The following GSTCD variants were observed in gnomAD, a reference collection of about 807,000 sequenced individuals.
GSTCD encodes the protein glutathione S-transferase C-terminal domain-containing protein.
A neutral mutation model predicts 68.3 loss-of-function variants in GSTCD; 44 were observed. That is an observed-to-expected ratio of 0.64 (90% confidence interval 0.51 to 0.83). The LOEUF (loss-of-function observed/expected upper bound fraction) is 0.83. GSTCD is among the 40% of genes least tolerant of loss of function. The pLI, the probability that GSTCD is intolerant of heterozygous loss-of-function variation, is 0.00. For missense variants in GSTCD, 739 were observed against 735.9 expected, an observed-to-expected ratio of 1.00 and a Z score of -0.05; for synonymous variants, 273 against 255.2, an observed-to-expected ratio of 1.07 and a Z score of -0.67.
chr4:105,711,651 G>A (rs1732540532), intron 1 of GSTCD, among the ~76,000 whole-genome samples: 1 of 152,222 alleles, frequency 6.6e-6, no homozygotes, highest in Non-Finnish European at 1.5e-5. Context: ...GGTAGGTACA[G>A]TTATTATTGT....
intron 5 of GSTCD, among the ~76,000 whole-genome samples, chr4:105,774,683 C>T (rs1212907163): frequency 6.6e-6 from 1 of 152,212 alleles, no homozygotes; most frequent in Non-Finnish European, 1.5e-5. Flanking sequence ...TTGGTCCCCA[C>T]TCTCTTCTGG....
At chr4:105,774,177 C>G (rs1578462711) in intron 5 of GSTCD, among the ~76,000 whole-genome samples, 1 of 152,170 alleles carries the variant, frequency 6.6e-6, no homozygotes, top group Admixed American at 6.5e-5. Context: ...AGGATTGCAA[C>G]CCCTGCTTTT....
In GSTCD at chr4:105,838,980, A is replaced by G. The variant is rs567996741; in HGVS notation, c.1695+1091A>G. Among the ~76,000 whole-genome samples the G allele has an allele frequency of 3.3e-5, 5 of 152,270 alleles. No homozygotes were observed. The South Asian group carries it at 1.0e-3, about 32-fold the overall frequency. On this transcript the variant is annotated intron_variant, in intron 10 of 11. Transcript: ENST00000515279. Reference sequence around the variant, plus strand: ...AAATATAGTGAGGTATAGTGACCTAAAAATGTTCATTGTTACCACATCAGC... The same window carrying G: ...AAATATAGTGAGGTATAGTGACCTAGAAATGTTCATTGTTACCACATCAGC...
At chr4:105,744,747 C>T (rs1398154164) in intron 5 of GSTCD, among the ~76,000 whole-genome samples, 1 of 152,266 alleles carries the variant, frequency 6.6e-6, no homozygotes, top group East Asian at 1.9e-4. Flanking sequence ...CTAGAGTCAG[C>T]TGTTTCTCTA....
intron 8 of GSTCD, 69 bp downstream of exon 8, chr4:105,825,869 TA>T (rs1414199352): frequency 3.2e-6 from 3 of 933,258 alleles, no homozygotes; most frequent in Non-Finnish European, 4.8e-6. Context: ...TTAGAGTAAA[TA>T]AAAAAGATAA....
intron 5 of GSTCD, among the ~76,000 whole-genome samples, chr4:105,760,147 T>A (rs1463407786): frequency 8.1e-6 from 1 of 123,404 alleles, no homozygotes; most frequent in African/African-American, 3.1e-5. Flanking sequence ...TTGGCTAAGA[T>A]TTGAGAAAAA....
chr4:105,789,981 A>G (rs1039303939), intron 5 of GSTCD, among the ~76,000 whole-genome samples: 33 of 152,044 alleles, frequency 2.2e-4, no homozygotes, highest in Admixed American at 2.1e-3. Context: ...TTGAGAGGAT[A>G]AATTACTTTT....
At position 105,778,734 on chromosome 4, in the gene GSTCD, T is replaced by C. The variant is rs184946303; in HGVS notation, c.1241-44220T>C. ...TGAATTATAATATGTTCCATAATAA[T>C]GTAACTAAGATTTTTTCTGTCATAC... On this transcript the variant is annotated intron_variant, in intron 5 of 11. Coordinates refer to ENST00000515279, the MANE Select transcript of GSTCD (RefSeq NM_001370181.1). Among the ~76,000 whole-genome samples the C allele has an allele frequency of 7.8e-4, 119 of 152,298 alleles. 1 individual carries two copies. The highest frequency in any genetic ancestry group is 1.2e-3 in the East Asian group (6 of 5,196).
Position 105,825,661 on chromosome 4 carries a change from G to T in GSTCD, c.1402-11G>T. On this transcript the variant is annotated splice_polypyrimidine_tract_variant and intron_variant, in intron 7 of 11. Transcript: ENST00000515279. The stretch of plus-strand genomic sequence containing the variant: ...TACTAAATATACTATTGTTTTCTGG[G>T]TAAAATCTAGGTTACATTAATAGAA... The T allele has an allele frequency of 7.1e-7, 1 of 1,414,156 alleles. No individual in the cohort carries two copies. The allele number at this position is 1,414,156 out of a possible 1,614,324, so 87.6% of individuals were successfully genotyped here.
intron 5 of GSTCD, among the ~76,000 whole-genome samples, chr4:105,747,864 T>C (rs1733858087): frequency 1.4e-5 from 2 of 141,554 alleles, no homozygotes; most frequent in Non-Finnish European, 3.0e-5. Context: ...TTTTAAAAAA[T>C]TCTTCAGGTT....
intron 8 of GSTCD, among the ~76,000 whole-genome samples, chr4:105,830,712 T>C (rs377432283): frequency 2.6e-5 from 4 of 152,112 alleles, no homozygotes; most frequent in East Asian, 3.9e-4. Context: ...TTGAAAGTTT[T>C]CAAACAGTGG....
chr4:105,753,812 C>G (rs931338233), intron 5 of GSTCD, among the ~76,000 whole-genome samples: 2 of 152,018 alleles, frequency 1.3e-5, no homozygotes, highest in Non-Finnish European at 2.9e-5. Context: ...GCAAAACTAG[C>G]TCTTTATTAA....
intron 5 of GSTCD, among the ~76,000 whole-genome samples, chr4:105,818,219 A>G (rs557132430): frequency 6.6e-6 from 1 of 151,984 alleles, no homozygotes; most frequent in South Asian, 2.1e-4. Flanking sequence ...ACTTTATAGT[A>G]TAAAAGATTT....
intron 5 of GSTCD, among the ~76,000 whole-genome samples, chr4:105,747,514 A>G (rs1032501456): frequency 6.6e-6 from 1 of 152,222 alleles, no homozygotes; most frequent in East Asian, 1.9e-4. Flanking sequence ...TGCACTGGCT[A>G]CTTGATTTCA....
intron 5 of GSTCD, among the ~76,000 whole-genome samples, chr4:105,774,838 C>G (rs1269869879): frequency 6.6e-6 from 1 of 152,076 alleles, no homozygotes; most frequent in African/African-American, 2.4e-5. Flanking sequence ...CTTGGGGCTA[C>G]TCTTCTTGAG....
At chr4:105,843,625 G>C (rs1274000560) in intron 11 of GSTCD, 1 of 152,250 alleles carries the variant, frequency 6.6e-6, no homozygotes, top group Admixed American at 6.5e-5. Flanking sequence ...CCTTTTATAA[G>C]GAACCCACAC....
intron 3 of GSTCD, among the ~76,000 whole-genome samples, chr4:105,726,055 G>C (rs1007446292): frequency 6.6e-6 from 1 of 152,032 alleles, no homozygotes; most frequent in East Asian, 1.9e-4. Context: ...ATGAAACACA[G>C]TGCCACATAA....
chr4:105,769,048 C>T (rs1734728992), intron 5 of GSTCD, among the ~76,000 whole-genome samples: 1 of 151,812 alleles, frequency 6.6e-6, no homozygotes, highest in African/African-American at 2.4e-5. Flanking sequence ...TATGAAACTA[C>T]ATTTATTTTC....
chr4:105,788,142 A>G (rs574620149), intron 5 of GSTCD, among the ~76,000 whole-genome samples: 4 of 152,090 alleles, frequency 2.6e-5, no homozygotes, highest in African/African-American at 9.7e-5. Flanking sequence ...GAATTGTGTC[A>G]TAAATATTTT....
Sources: allele counts gnomAD v4.1 joint callset (sites outside exome capture counted in the v4.1 genomes callset), GRCh38; gene constraint gnomAD v4.1.1; transcripts MANE v1.5; gene names NCBI Gene and HGNC (gene_info 2026-07-23, HGNC 2026-07-21).